Variants in QKI observed in about 807,000 individuals in gnomAD.
The protein encoded by QKI is QKI, KH domain containing RNA binding, also known as KH domain-containing RNA-binding protein QKI.
In QKI, 10 loss-of-function variants were observed where a neutral mutation model predicts 39.0. The ratio of observed to expected loss-of-function variants is 0.26; its 90% confidence interval spans 0.16 to 0.43. QKI has a LOEUF of 0.43. Ranked by LOEUF, QKI falls within the 20% of genes least tolerant of loss-of-function variation. The pLI is 1.00. For synonymous variants in QKI, 204 were observed against 155.4 expected, an observed-to-expected ratio of 1.31 and a Z score of -2.33; for missense variants, 218 against 428.0, an observed-to-expected ratio of 0.51 and a Z score of 4.33.
chr6:163,434,627 A>G (rs922777249), intron 1 of QKI, among the ~76,000 whole-genome samples: 2 of 152,044 alleles, frequency 1.3e-5, no homozygotes, highest in African/African-American at 2.4e-5. Context: ...AGGCAGGAAA[A>G]TGGTGTGAAC....
At position 163,570,860 on chromosome 6, in the gene QKI, C is replaced by A; in HGVS notation, c.*150C>A. On this transcript the variant is annotated 3_prime_UTR_variant, in exon 8 of 8. Transcript: ENST00000361752. ...CCGTTCGTCTTACCATCTAACCAAA[C>A]AAAAGACAAAGAAATTGTTGTCCTC... 43 of 893,182 alleles carry A rather than the reference C, an allele frequency of 4.8e-5. No homozygotes were observed. The highest frequency in any genetic ancestry group is 8.5e-5 in the Admixed American group (3 of 35,092). The allele number at this position is 893,182 out of a possible 1,614,324, so 55.3% of individuals were successfully genotyped here. A position where few individuals can be genotyped will look rare whatever the true frequency, so the allele number is the denominator to read the frequency against.
At chr6:163,419,013 G>C (rs1562411992) in intron 1 of QKI, among the ~76,000 whole-genome samples, 1 of 152,040 alleles carries the variant, frequency 6.6e-6, no homozygotes, top group Non-Finnish European at 1.5e-5. Context: ...TTTTATCGTG[G>C]ATATCAGAAA....
At chr6:163,427,347 C>G (rs1013221070) in intron 1 of QKI, among the ~76,000 whole-genome samples, 1 of 135,748 alleles carries the variant, frequency 7.4e-6, no homozygotes, top group Non-Finnish European at 1.5e-5. Flanking sequence ...AAAATACTTT[C>G]AAAATAACAA....
chr6:163,505,511 G>A (rs577233691), intron 3 of QKI, among the ~76,000 whole-genome samples: 4 of 152,174 alleles, frequency 2.6e-5, no homozygotes, highest in Admixed American at 6.5e-5. Context: ...TTGCAACAAC[G>A]TGTCCTGGAT....
chr6:163,542,756 A>G (rs931890309), intron 4 of QKI, among the ~76,000 whole-genome samples: 1 of 152,068 alleles, frequency 6.6e-6, no homozygotes, highest in South Asian at 2.1e-4. Context: ...ACTTGAATAC[A>G]GATCAGTTTT....
intron 2 of QKI, among the ~76,000 whole-genome samples, chr6:163,458,219 A>G (rs1052061008): frequency 1.3e-5 from 2 of 152,172 alleles, no homozygotes; most frequent in Admixed American, 1.3e-4. Context: ...AAGGCCAGGA[A>G]GTGATGATGT....
intron 3 of QKI, among the ~76,000 whole-genome samples, chr6:163,526,023 A>G (rs140307406): frequency 1.0e-3 from 152 of 152,318 alleles, no homozygotes; most frequent in Middle Eastern, 6.8e-3. Context: ...GCTGTGCTCT[A>G]AGGAGCACTT....
At chr6:163,531,304 G>A (rs1368900956) in intron 3 of QKI, among the ~76,000 whole-genome samples, 4 of 152,150 alleles carry the variant, frequency 2.6e-5, no homozygotes, top group Non-Finnish European at 5.9e-5. Flanking sequence ...CTGTCAGAGT[G>A]GAAGTTACCC....
At chr6:163,451,732 GT>G (rs912761215) in intron 1 of QKI, among the ~76,000 whole-genome samples, 2 of 152,216 alleles carry the variant, frequency 1.3e-5, no homozygotes, top group Non-Finnish European at 2.9e-5. Context: ...AGGTAGTGCA[GT>G]TGGTGGTGGG....
chr6:163,437,819 T>C (rs1249346869), intron 1 of QKI, among the ~76,000 whole-genome samples: 1 of 152,206 alleles, frequency 6.6e-6, no homozygotes, highest in Non-Finnish European at 1.5e-5. Context: ...CCCTCCCATC[T>C]CTGTTTCCCT....
At chr6:163,544,127 C>T (rs1171189521) in intron 4 of QKI, among the ~76,000 whole-genome samples, 1 of 151,908 alleles carries the variant, frequency 6.6e-6, no homozygotes, top group Non-Finnish European at 1.5e-5. Context: ...GGTTCCGCAC[C>T]CATGGATTCA....
chr6:163,471,164 A>T (rs993707672), intron 2 of QKI, among the ~76,000 whole-genome samples: 1 of 152,186 alleles, frequency 6.6e-6, no homozygotes, highest in Non-Finnish European at 1.5e-5. Context: ...GATCACCTTC[A>T]AAGGAGCAGC....
At chr6:163,495,950 A>G (rs1455657609) in intron 3 of QKI, among the ~76,000 whole-genome samples, 1 of 152,198 alleles carries the variant, frequency 6.6e-6, no homozygotes, top group Non-Finnish European at 1.5e-5. Flanking sequence ...TTCTCCTTTT[A>G]AATCATATCT....
chr6:163,521,444 C>A (rs1047454959), intron 3 of QKI, among the ~76,000 whole-genome samples: 2 of 152,138 alleles, frequency 1.3e-5, no homozygotes, highest in African/African-American at 4.8e-5. Flanking sequence ...TTACTCTAAT[C>A]TTAATTCTAG....
At chr6:163,516,205 C>T (rs1779785180) in intron 3 of QKI, among the ~76,000 whole-genome samples, 1 of 152,162 alleles carries the variant, frequency 6.6e-6, no homozygotes, top group Admixed American at 6.5e-5. Flanking sequence ...CAACAACATA[C>T]ATACATTGTA....
At chr6:163,425,961 A>G (rs1035057177) in intron 1 of QKI, among the ~76,000 whole-genome samples, 1 of 152,174 alleles carries the variant, frequency 6.6e-6, no homozygotes, top group African/African-American at 2.4e-5. Context: ...ATTTAATTGT[A>G]TTAATTTTTG....
At chr6:163,558,361 A>G (rs1363817696) in intron 4 of QKI, among the ~76,000 whole-genome samples, 5 of 151,802 alleles carry the variant, frequency 3.3e-5, no homozygotes, top group Non-Finnish European at 7.4e-5. Flanking sequence ...TGTGAAAGTA[A>G]TTCTATAATT....
At chr6:163,504,703 T>C (rs1204574624) in intron 3 of QKI, among the ~76,000 whole-genome samples, 2 of 152,218 alleles carry the variant, frequency 1.3e-5, no homozygotes, top group Admixed American at 1.3e-4. Flanking sequence ...GTTTTGATCC[T>C]GAAACTTTAC....
chr6:163,468,514 T>G (rs2128222604), intron 2 of QKI, among the ~76,000 whole-genome samples: 1 of 152,316 alleles, frequency 6.6e-6, no homozygotes, highest in Non-Finnish European at 1.5e-5. Flanking sequence ...TGCTTTACAT[T>G]TTGTCATTGG....
Sources: gnomAD v4.1 joint callset for allele counts (sites outside exome capture counted in the v4.1 genomes callset) on GRCh38, gnomAD v4.1.1 for gene constraint, MANE v1.5 for transcripts, NCBI Gene and HGNC (gene_info 2026-07-23, HGNC 2026-07-21) for gene names.